Variants in PCSK5 observed in about 807,000 individuals in gnomAD.
PCSK5 encodes prohormone convertase 5.
In PCSK5, 129 loss-of-function variants were observed where a neutral mutation model predicts 233.2. That is an observed-to-expected ratio of 0.55 (90% CI 0.48 to 0.64). The LOEUF is 0.64. Ranked by LOEUF, PCSK5 falls within the 30% of genes least tolerant of loss-of-function variation. The pLI is 0.00. For synonymous variants in PCSK5, 825 were observed against 879.2 expected (o/e 0.94, Z 1.09); for missense variants, 2,076 against 2,430.1 (o/e 0.85, Z 3.06).
chr9:76,217,907 C>T (rs1825595465), intron 20 of PCSK5, among the ~76,000 whole-genome samples: 1 of 152,134 alleles, frequency 6.6e-6, no homozygotes, highest in East Asian at 1.9e-4. Context: ...TTCCCCACCC[C>T]CATCCATACA....
chr9:75,966,725 T>C (rs1825602907), intron 2 of PCSK5, among the ~76,000 whole-genome samples: 1 of 152,204 alleles, frequency 6.6e-6, no homozygotes, highest in African/African-American at 2.4e-5. Context: ...ATACCTATTA[T>C]GTGCCCTGCA....
At position 76,295,380 on chromosome 9, in the gene PCSK5, T is replaced by C; in HGVS notation, c.3291T>C (p.Cys1097=). Residue 1097 remains cysteine, a synonymous_variant, in exon 26 of 38, where the codon TGT becomes TGC. Transcript: ENST00000674117. The part of the protein sequence containing the change: ...SNCGSCDQNG[C]YWCEEGFFLL... ...GTGGCAGCTGTGACCAGAATGGGTGTTACTGGTGTGAAGAGGGCTTCTTTC... is the reference window on the plus strand; with the variant it reads ...GTGGCAGCTGTGACCAGAATGGGTGCTACTGGTGTGAAGAGGGCTTCTTTC... 2 of 1,612,320 alleles carry C rather than the reference T, an allele frequency of 1.2e-6. No homozygotes were observed. Among genetic ancestry groups the C allele is most frequent in the Non-Finnish European group, 1.7e-6 (2 of 1,179,512 alleles).
At chr9:76,097,386 A>T (rs1024540010) in intron 8 of PCSK5, among the ~76,000 whole-genome samples, 1 of 147,732 alleles carries the variant, frequency 6.8e-6, no homozygotes, top group Non-Finnish European at 1.5e-5. Flanking sequence ...CAGCCTCCCG[A>T]GTAGCTGGGA....
At chr9:76,117,599 A>G (rs1832479106) in intron 9 of PCSK5, among the ~76,000 whole-genome samples, 2 of 152,124 alleles carry the variant, frequency 1.3e-5, no homozygotes, top group South Asian at 4.1e-4. Context: ...AATCACAACC[A>G]AGCCTTAATA....
intron 3 of PCSK5, among the ~76,000 whole-genome samples, chr9:75,989,928 G>A (rs546309283): frequency 3.3e-4 from 50 of 152,130 alleles, no homozygotes; most frequent in African/African-American, 6.3e-4. Flanking sequence ...CTTGGAGGCC[G>A]GCTACCACAA....
intron 24 of PCSK5, among the ~76,000 whole-genome samples, chr9:76,275,378 A>T (rs76549750): frequency 0.011 from 1,651 of 152,270 alleles, 27 homozygotes; most frequent in African/African-American, 0.037. Context: ...GCAAGATTTT[A>T]AAAAAGCTAT....
intron 17 of PCSK5, among the ~76,000 whole-genome samples, chr9:76,185,413 C>T (rs1042132697): frequency 6.6e-6 from 1 of 152,114 alleles, no homozygotes; most frequent in African/African-American, 2.4e-5. Context: ...TGAGGCTGTA[C>T]GTAGAATTAG....
chr9:76,031,505 T>C lies in PCSK5; in HGVS notation c.632+4468T>C, dbSNP rs539131030. On this transcript the variant is annotated intron_variant, in intron 5 of 37. Coordinates refer to ENST00000674117, the MANE Select transcript of PCSK5 (RefSeq NM_001372043.1). ...GAGATTGAGACCAGCCTGGGAAACATAGGGAGACCCTGTTTCTACTAAATA... is the reference window on the plus strand; with the variant it reads ...GAGATTGAGACCAGCCTGGGAAACACAGGGAGACCCTGTTTCTACTAAATA... 2.4e-4 allele frequency among the ~76,000 whole-genome samples: 37 copies of C among 152,182 alleles called. No individual in the cohort carries two copies. The South Asian group carries it at 7.5e-3, about 31-fold the overall frequency.
At chr9:75,923,362 T>C (rs1823337502) in intron 1 of PCSK5, among the ~76,000 whole-genome samples, 1 of 152,220 alleles carries the variant, frequency 6.6e-6, no homozygotes, top group Non-Finnish European at 1.5e-5. Flanking sequence ...ACAGTGGCTT[T>C]GAATAGATAA....
intron 7 of PCSK5, among the ~76,000 whole-genome samples, chr9:76,092,994 A>G (rs947986954): frequency 6.6e-6 from 1 of 151,946 alleles, no homozygotes; most frequent in African/African-American, 2.4e-5. Context: ...ACCATACAAG[A>G]TAACTTCAAT....
At chr9:76,118,152 A>G (rs1467773) in intron 9 of PCSK5, among the ~76,000 whole-genome samples, 19,976 of 151,994 alleles carry the variant, frequency 0.13, 1,842 homozygotes, top group East Asian at 0.35. Flanking sequence ...AATATAAAGC[A>G]ATTGTTATCA....
At chr9:76,247,373 G>C (rs561624582) in intron 24 of PCSK5, among the ~76,000 whole-genome samples, 5 of 152,214 alleles carry the variant, frequency 3.3e-5, no homozygotes, top group African/African-American at 1.2e-4. Context: ...GAGTGTAGCC[G>C]TTGCTGGCTG....
At chr9:76,094,276 G>A (rs568095520) in intron 7 of PCSK5, among the ~76,000 whole-genome samples, 1 of 152,090 alleles carries the variant, frequency 6.6e-6, no homozygotes, top group African/African-American at 2.4e-5. Flanking sequence ...GAAATTCTAA[G>A]ACAGCATCCC....
intron 5 of PCSK5, among the ~76,000 whole-genome samples, chr9:76,063,335 T>C (rs1205774793): frequency 1.4e-5 from 2 of 138,150 alleles, no homozygotes; most frequent in Non-Finnish European, 3.1e-5. Context: ...TTTTTTTTTT[T>C]TTTTTTTTTT....
intron 20 of PCSK5, among the ~76,000 whole-genome samples, chr9:76,213,398 C>T (rs994614805): frequency 6.6e-6 from 1 of 152,176 alleles, no homozygotes; most frequent in African/African-American, 2.4e-5. Flanking sequence ...GGGAATTCAA[C>T]CCATTCCCTG....
intron 13 of PCSK5, 24 bp downstream of exon 13, chr9:76,169,864 T>C (rs1345582085): frequency 1.3e-6 from 2 of 1,597,264 alleles, no homozygotes; most frequent in African/African-American, 2.7e-5. Context: ...TTCTATACAT[T>C]GTTCTACTGT....
chr9:76,093,572 T>C (rs1831386231), intron 7 of PCSK5, among the ~76,000 whole-genome samples: 1 of 146,740 alleles, frequency 6.8e-6, no homozygotes, highest in Non-Finnish European at 1.5e-5. Context: ...ATTTTATATA[T>C]ATATATATAT....
At chr9:76,318,235 A>G (rs1009599529) in intron 30 of PCSK5, among the ~76,000 whole-genome samples, 2 of 152,096 alleles carry the variant, frequency 1.3e-5, no homozygotes, top group African/African-American at 2.4e-5. Context: ...CAAACACTGC[A>G]TGTTCTCACT....
chr9:76,018,076 G>A (rs144822970), intron 3 of PCSK5, among the ~76,000 whole-genome samples: 49 of 151,634 alleles, frequency 3.2e-4, no homozygotes, highest in Middle Eastern at 7.0e-3. Flanking sequence ...GGAGCCTTCG[G>A]TAGTTCCCAA....
Sources: allele counts gnomAD v4.1 joint callset (sites outside exome capture counted in the v4.1 genomes callset), GRCh38; gene constraint gnomAD v4.1.1; transcripts MANE v1.5; gene names NCBI Gene and HGNC (gene_info 2026-07-23, HGNC 2026-07-21).